FAM227A: variants seen among roughly 807,000 people sequenced by gnomAD.
The protein encoded by FAM227A is protein FAM227A.
Under a neutral mutation model 74.7 loss-of-function variants are expected in FAM227A, and 80 were observed. The observed-to-expected ratio is 1.07, with a 90% CI of 0.89 to 1.29. The LOEUF (loss-of-function observed/expected upper bound fraction) is 1.29, where lower values mean the gene tolerates loss of function less well. FAM227A is among the 50% of genes most tolerant of loss of function. FAM227A has a pLI of 0.00. For synonymous variants in FAM227A, 237 were observed against 241.8 expected (o/e 0.98, Z 0.19); for missense variants, 654 against 683.4 (o/e 0.96, Z 0.48).
rs559717579 is a variant in FAM227A, at chr22:38,638,641, ATAATCAC to A, written c.372+98_372+104del. Reference sequence around the variant, plus strand: ...TCAGGAGCTCTGCGATTTTTCCTTCATAATCACTACCCAGGCACCAAGTATTCTCCTC... The same window carrying A: ...TCAGGAGCTCTGCGATTTTTCCTTCATACCCAGGCACCAAGTATTCTCCTC... On this transcript the variant is annotated intron_variant, in intron 5 of 16. Transcript: ENST00000535113. 5.2e-3 allele frequency: 4,333 copies of A among 836,506 alleles called. 22 individuals carry two copies. Among genetic ancestry groups the A allele is most frequent in the Non-Finnish European group, 7.2e-3 (3,685 of 514,518 alleles). The allele number at this position is 836,506 out of a possible 1,614,324, so 51.8% of individuals were successfully genotyped here. A position where few individuals can be genotyped will look rare whatever the true frequency, so the allele number is the denominator to read the frequency against.
intron 1 of FAM227A, among the ~76,000 whole-genome samples, chr22:38,655,581 G>C (rs2092381630): frequency 6.6e-6 from 1 of 151,930 alleles, no homozygotes; most frequent in Non-Finnish European, 1.5e-5. Context: ...ATTATATCTT[G>C]AAATAGTAAT....
intron 10 of FAM227A, 93 bp from the exon 11 acceptor site, chr22:38,620,384 C>T (rs760537724): frequency 2.0e-4 from 191 of 937,050 alleles, no homozygotes; most frequent in Non-Finnish European, 2.7e-4. Context: ...TTTCTGGAGA[C>T]AGTGACACCC....
At chr22:38,589,777 A>G (rs909893270) in intron 16 of FAM227A, among the ~76,000 whole-genome samples, 2 of 152,198 alleles carry the variant, frequency 1.3e-5, no homozygotes, top group African/African-American at 4.8e-5. Context: ...CTTTTAACTT[A>G]GAATTTTATT....
chr22:38,623,134 G>A, intron 10 of FAM227A, 38 bp downstream of exon 10: 1 of 1,383,948 alleles, frequency 7.2e-7, no homozygotes, highest in Non-Finnish European at 1.0e-6. Flanking sequence ...GAGTATGGCA[G>A]TGGCAAAGAA....
intron 1 of FAM227A, among the ~76,000 whole-genome samples, chr22:38,651,529 T>A (rs1417485136): frequency 6.6e-6 from 1 of 152,008 alleles, no homozygotes; most frequent in Non-Finnish European, 1.5e-5. Context: ...AACTGCCTAA[T>A]TTTTGTATTT....
intron 9 of FAM227A, 96 bp from the exon 10 acceptor site, chr22:38,623,375 A>T: frequency 1.3e-6 from 1 of 754,194 alleles, no homozygotes; most frequent in South Asian, 1.6e-5. Context: ...GGATTGCTTG[A>T]GCCCAGGAGA....
At chr22:38,630,966 G>A (rs940106397) in intron 6 of FAM227A, among the ~76,000 whole-genome samples, 1 of 152,164 alleles carries the variant, frequency 6.6e-6, no homozygotes, top group Non-Finnish European at 1.5e-5. Flanking sequence ...TCAGGAGTTC[G>A]AGACCAGTCT....
At chr22:38,632,466 C>T (rs910501944) in intron 6 of FAM227A, among the ~76,000 whole-genome samples, 4 of 152,150 alleles carry the variant, frequency 2.6e-5, no homozygotes, top group East Asian at 1.9e-4. Flanking sequence ...TAACACAGCA[C>T]GAAGGCCCTC....
At chr22:38,605,034 T>G (rs2091255384) in intron 13 of FAM227A, among the ~76,000 whole-genome samples, 1 of 152,234 alleles carries the variant, frequency 6.6e-6, no homozygotes, top group Admixed American at 6.5e-5. Context: ...ATTGGGTACC[T>G]GCTCCCAGCA....
rs2090699561 is a variant in FAM227A, at chr22:38,580,738, A to G, written c.*5387T>C. On this transcript the variant is annotated 3_prime_UTR_variant, in exon 17 of 17. Transcript: ENST00000535113. Reference sequence around the variant, plus strand: ...TCATTTACTTACCAATTTTCAAAATAATGAGGAAGTTTCCTAGTATCCAAT... The same window carrying G: ...TCATTTACTTACCAATTTTCAAAATGATGAGGAAGTTTCCTAGTATCCAAT... The G allele has an allele frequency of 6.6e-6, 1 of 152,200 alleles. No individual in the cohort carries two copies. The highest frequency in any genetic ancestry group is 1.9e-4 in the East Asian group (1 of 5,204). The allele number at this position is 152,200 out of a possible 1,614,324, so 9.4% of individuals were successfully genotyped here. A position where few individuals can be genotyped will look rare whatever the true frequency, so the allele number is the denominator to read the frequency against.
chr22:38,647,663 ATTTC>A (rs2092263215), intron 2 of FAM227A, among the ~76,000 whole-genome samples: 3 of 152,018 alleles, frequency 2.0e-5, no homozygotes, highest in South Asian at 2.1e-4. Flanking sequence ...CAGCTTTTAT[ATTTC>A]TTTCTGTCTT....
chr22:38,625,922 G>T (rs1179714392), intron 9 of FAM227A, among the ~76,000 whole-genome samples: 2 of 143,158 alleles, frequency 1.4e-5, no homozygotes, highest in Non-Finnish European at 3.0e-5. Context: ...CAGCCTGGGT[G>T]ACCGAGCGAG....
At chr22:38,614,367 T>C (rs2146318484) in intron 11 of FAM227A, among the ~76,000 whole-genome samples, 1 of 152,252 alleles carries the variant, frequency 6.6e-6, no homozygotes, top group South Asian at 2.1e-4. Flanking sequence ...TGTCCTAATT[T>C]ATAGCTGGGT....
At chr22:38,606,474 G>C (rs1237432719) in intron 12 of FAM227A, among the ~76,000 whole-genome samples, 1 of 152,126 alleles carries the variant, frequency 6.6e-6, no homozygotes, top group Non-Finnish European at 1.5e-5. Flanking sequence ...ATCCTAAACT[G>C]GTTACCATGC....
chr22:38,645,067 CAG>C (rs888248554), intron 3 of FAM227A, among the ~76,000 whole-genome samples: 1 of 146,002 alleles, frequency 6.8e-6, no homozygotes, highest in African/African-American at 2.6e-5. Context: ...AGTCTGGCGA[CAG>C]AGCAAGTCTC....
Position 38,579,985 on chromosome 22 carries a change from A to G in FAM227A, c.*6140T>C, listed in dbSNP as rs1201965478. Reference sequence around the variant, plus strand: ...CTAGGCTGGAGTGTGCAGTGGCATGATCATAGCTCACTGCACCCTCCAACT... The same window carrying G: ...CTAGGCTGGAGTGTGCAGTGGCATGGTCATAGCTCACTGCACCCTCCAACT... On this transcript the variant is annotated 3_prime_UTR_variant, in exon 17 of 17. Coordinates refer to ENST00000535113, the MANE Select transcript of FAM227A (RefSeq NM_001013647.2). The G allele has an allele frequency of 1.3e-5, 2 of 151,764 alleles. No homozygotes were observed. Among genetic ancestry groups the G allele is most frequent in the African/African-American group, 2.4e-5 (1 of 41,294 alleles). The allele number at this position is 151,764 out of a possible 1,614,324, so 9.4% of individuals were successfully genotyped here.
intron 16 of FAM227A, among the ~76,000 whole-genome samples, chr22:38,590,441 C>G (rs2090907850): frequency 6.6e-6 from 1 of 152,076 alleles, no homozygotes. Flanking sequence ...TGTCCATGGC[C>G]CTGAGGCAGA....
intron 11 of FAM227A, among the ~76,000 whole-genome samples, chr22:38,612,876 A>T (rs1417401631): frequency 6.7e-6 from 1 of 149,414 alleles, no homozygotes; most frequent in Non-Finnish European, 1.5e-5. Flanking sequence ...TAACACGGAG[A>T]CTCTTCCAGG....
intron 3 of FAM227A, among the ~76,000 whole-genome samples, chr22:38,640,348 A>G (rs1217524280): frequency 6.6e-6 from 1 of 152,026 alleles, no homozygotes; most frequent in African/African-American, 2.4e-5. Context: ...TAGGGTTCTT[A>G]TAAGGGTCAA....
Sources: gnomAD v4.1 joint callset for allele counts (sites outside exome capture counted in the v4.1 genomes callset) on GRCh38, gnomAD v4.1.1 for gene constraint, MANE v1.5 for transcripts, NCBI Gene and HGNC (gene_info 2026-07-23, HGNC 2026-07-21) for gene names.